Variants in MRPL35 observed in about 807,000 individuals in gnomAD.
MRPL35 encodes large ribosomal subunit protein bL35m.
Under a neutral mutation model 21.6 loss-of-function variants are expected in MRPL35, and 18 were observed. The ratio of observed to expected loss-of-function variants is 0.83; its 90% confidence interval spans 0.58 to 1.24. The LOEUF (loss-of-function observed/expected upper bound fraction) is 1.24, where lower values mean the gene tolerates loss of function less well. Ranked by LOEUF, MRPL35 falls within the 50% of genes most tolerant of loss-of-function variation. MRPL35 has a pLI of 0.00. For missense variants in MRPL35, 223 were observed against 223.2 expected, an observed-to-expected ratio of 1.00 and a Z score of 0.01; for synonymous variants, 87 against 86.9, an observed-to-expected ratio of 1.00 and a Z score of -0.01.
intron 1 of MRPL35, among the ~76,000 whole-genome samples, chr2:86,202,837 C>T (rs751866832): frequency 6.6e-5 from 10 of 151,898 alleles, no homozygotes; most frequent in African/African-American, 9.7e-5. Context: ...ACTACAGGCG[C>T]GCGTCACTCT....
rs1411121687 is a variant in MRPL35, at chr2:86,207,507, C to T, written c.378+180C>T. ...TACAAAAATTAGGCGTGGTGGCAGG[C>T]ACCTGTAATTCCAGCTACTCGGGAG... On this transcript the variant is annotated intron_variant, in intron 3 of 3. Transcript: ENST00000337109. Among the ~76,000 whole-genome samples the T allele has an allele frequency of 1.3e-5, 2 of 152,142 alleles. No homozygotes were observed. Among genetic ancestry groups the T allele is most frequent in the East Asian group, 3.9e-4 (2 of 5,192 alleles).
At chr2:86,210,354 G>GA in intron 3 of MRPL35, 126 bp from the exon 4 acceptor site, 1 of 344,886 alleles carries the variant, frequency 2.9e-6, no homozygotes, top group African/African-American at 2.3e-5. Context: ...ATCTTTCCAA[G>GA]AAATAGTCCA....
intron 3 of MRPL35, among the ~76,000 whole-genome samples, chr2:86,210,190 TC>T (rs1673873488): frequency 6.6e-6 from 1 of 152,232 alleles, no homozygotes; most frequent in Non-Finnish European, 1.5e-5. Context: ...TCTTGTACTT[TC>T]CCAGCCACAC....
rs536488239 is a variant in MRPL35, at chr2:86,208,423, C to T, written c.378+1096C>T. Among the ~76,000 whole-genome samples, 4 of 152,206 alleles carry T rather than the reference C, an allele frequency of 2.6e-5. No individual in the cohort carries two copies. The South Asian group carries it at 8.3e-4, about 32-fold the overall frequency. ...ACGGGTTCAGGCCATTCTCCTGCCT[C>T]AGCCTTCCGAGTAGCTGGGATTACA... On this transcript the variant is annotated intron_variant, in intron 3 of 3. Coordinates refer to ENST00000337109, the MANE Select transcript of MRPL35 (RefSeq NM_016622.4).
chr2:86,206,237 A>C lies in MRPL35; in HGVS notation c.175A>C (p.Arg59=), dbSNP rs779614148. 2.5e-6 allele frequency: 4 copies of C among 1,613,638 alleles called. No individual in the cohort carries two copies. The African/African-American group carries it at 5.3e-5, about 22-fold the overall frequency. ...IQTPVVSSTP[R]LTTSERNLTC... is the part of the protein sequence containing the mutation. Reference sequence around the variant, plus strand: ...GACACCAGTTGTTTCCTCCACTCCCAGACTTACCACATCTGAGAGAAACCT... The same window carrying C: ...GACACCAGTTGTTTCCTCCACTCCCCGACTTACCACATCTGAGAGAAACCT... The change falls in exon 2 of 4, where the codon AGA becomes CGA. Residue 59 remains arginine, a synonymous_variant. Transcript: ENST00000337109.
rs13353 is a variant in MRPL35, at chr2:86,210,775, C to T, written c.*107C>T. ...TTGATGTAAATTGTACCAATGAATA[C>T]GTAAACATACAGTGACAACATTAAA... On this transcript the variant is annotated 3_prime_UTR_variant, in exon 4 of 4. Coordinates refer to ENST00000337109, the MANE Select transcript of MRPL35 (RefSeq NM_016622.4). 0.91 allele frequency: 1,294,010 copies of T among 1,420,996 alleles called. 592,678 individuals carry two copies. Among genetic ancestry groups the T allele is most frequent in the East Asian group, 0.99 (41,483 of 42,014 alleles). 88.0% of individuals were successfully genotyped at this position (1,420,996 alleles called of 1,614,324 possible).
chr2:86,204,012 T>G (rs554242270), intron 1 of MRPL35, among the ~76,000 whole-genome samples: 1 of 152,068 alleles, frequency 6.6e-6, no homozygotes, highest in East Asian at 1.9e-4. Flanking sequence ...GAGATGGAGT[T>G]TCACTTTTGT....
chr2:86,212,522 C>A lies in MRPL35; in HGVS notation c.*1854C>A. On this transcript the variant is annotated 3_prime_UTR_variant, in exon 4 of 4. Transcript: ENST00000337109. Reference sequence around the variant, plus strand: ...TCTGGGTAGTGAGATGGAAATGGTGCCTGCAGAAGTTGGGGAGAAGGATAC... The same window carrying A: ...TCTGGGTAGTGAGATGGAAATGGTGACTGCAGAAGTTGGGGAGAAGGATAC... The A allele has an allele frequency of 6.3e-7, 1 of 1,598,794 alleles. No individual in the cohort carries two copies. The highest frequency in any genetic ancestry group is 8.5e-7 in the Non-Finnish European group (1 of 1,173,462).
In MRPL35 at chr2:86,212,697, G is replaced by T. The variant is rs1673931731; in HGVS notation, c.*2029G>T. ...ACCAGAGCCTCAGCATCCAAAGATG[G>T]ACTGAAGTGGGATGGCTGACAGGCA... On this transcript the variant is annotated 3_prime_UTR_variant, in exon 4 of 4. Transcript: ENST00000337109. 2.5e-6 allele frequency: 3 copies of T among 1,221,232 alleles called. No individual in the cohort carries two copies. In the African/African-American group the frequency reaches 4.7e-5, roughly 19 times the overall value. 75.6% of individuals were successfully genotyped at this position (1,221,232 alleles called of 1,614,324 possible). A position where few individuals can be genotyped will look rare whatever the true frequency, so the allele number is the denominator to read the frequency against.
At chr2:86,208,241 A>G (rs969757958) in intron 3 of MRPL35, among the ~76,000 whole-genome samples, 2 of 152,036 alleles carry the variant, frequency 1.3e-5, no homozygotes, top group Admixed American at 1.3e-4. Flanking sequence ...CTAAAGGTCT[A>G]ATGTTCTGAG....
At position 86,213,641 on chromosome 2, in the gene MRPL35, TGCA is replaced by T. The variant is rs770997589; in HGVS notation, c.*2975_*2977del. 6.4e-7 allele frequency: 1 copy of T among 1,550,414 alleles called. No homozygotes were observed. The highest frequency in any genetic ancestry group is 1.4e-5 in the African/African-American group (1 of 73,044). The stretch of plus-strand genomic sequence containing the variant: ...TCACCTGCACAGGCACTCCCCCATT[TGCA>T]GATGAAGAAATGTTCAGAGAAGAAA... On this transcript the variant is annotated 3_prime_UTR_variant, in exon 4 of 4. Transcript: ENST00000337109.
At chr2:86,199,564 C>G in intron 1 of MRPL35, 31 bp downstream of exon 1, 1 of 1,613,484 alleles carries the variant, frequency 6.2e-7, no homozygotes, top group Non-Finnish European at 8.5e-7. Context: ...TCCATGCATG[C>G]CTTCACAGAA....
intron 2 of MRPL35, 140 bp from the exon 3 acceptor site, chr2:86,207,043 G>C: frequency 1.3e-6 from 1 of 793,024 alleles, no homozygotes; most frequent in South Asian, 1.9e-5. Flanking sequence ...TAATGTCATG[G>C]GTCATTGGAA....
intron 3 of MRPL35, among the ~76,000 whole-genome samples, chr2:86,208,702 C>T (rs1212702570): frequency 6.6e-6 from 1 of 152,114 alleles, no homozygotes. Context: ...TTCCATGTCC[C>T]TCTTACTGGG....
chr2:86,208,788 C>T (rs1044835429), intron 3 of MRPL35, among the ~76,000 whole-genome samples: 7 of 152,084 alleles, frequency 4.6e-5, no homozygotes, highest in African/African-American at 1.4e-4. Flanking sequence ...GTTCAGGGCT[C>T]CCGAAAGTAT....
Position 86,212,582 on chromosome 2 carries a change from T to G in MRPL35, c.*1914T>G, listed in dbSNP as rs537629463. The G allele has an allele frequency of 2.2e-5, 33 of 1,492,112 alleles. No homozygotes were observed. The highest frequency in any genetic ancestry group is 1.5e-4 in the Admixed American group (6 of 40,412). 92.4% of individuals were successfully genotyped at this position (1,492,112 alleles called of 1,614,324 possible). On this transcript the variant is annotated 3_prime_UTR_variant, in exon 4 of 4. Coordinates refer to ENST00000337109, the MANE Select transcript of MRPL35 (RefSeq NM_016622.4). ...GCCTCCATGATGTCTTTATTGCAAATATGGATGACAAGGGTCTCTGTTACA... is the reference window on the plus strand; with the variant it reads ...GCCTCCATGATGTCTTTATTGCAAAGATGGATGACAAGGGTCTCTGTTACA...
intron 3 of MRPL35, 63 bp from the exon 4 acceptor site, chr2:86,210,417 G>T: frequency 7.3e-7 from 1 of 1,362,356 alleles, no homozygotes; most frequent in Non-Finnish European, 9.8e-7. Context: ...ACCTTGAGTT[G>T]TGAAGATACC....
intron 3 of MRPL35, 62 bp downstream of exon 3, chr2:86,207,389 G>A (rs1262309770): frequency 1.9e-5 from 29 of 1,545,558 alleles, no homozygotes; most frequent in East Asian, 7.0e-5. Flanking sequence ...GGTGGCTCAC[G>A]CCTATAATCC....
Position 86,208,432 on chromosome 2 carries a change from G to T in MRPL35, c.378+1105G>T, listed in dbSNP as rs554637717. On this transcript the variant is annotated intron_variant, in intron 3 of 3. Transcript: ENST00000337109. ...GGCCATTCTCCTGCCTCAGCCTTCC[G>T]AGTAGCTGGGATTACAGGCATGCAC... Among the ~76,000 whole-genome samples, 6 of 151,994 alleles carry T rather than the reference G, an allele frequency of 3.9e-5. No individual in the cohort carries two copies. In the South Asian group the frequency reaches 1.2e-3, roughly 32 times the overall value.
Sources: allele counts gnomAD v4.1 joint callset (sites outside exome capture counted in the v4.1 genomes callset), GRCh38; gene constraint gnomAD v4.1.1; transcripts MANE v1.5; gene names NCBI Gene and HGNC (gene_info 2026-07-23, HGNC 2026-07-21).